Variants in AKAIN1 observed in about 807,000 individuals in gnomAD.
AKAIN1 encodes the protein A-kinase anchor protein inhibitor 1.
Under a neutral mutation model 3.7 loss-of-function variants are expected in AKAIN1, and 3 were observed. The ratio of observed to expected loss-of-function variants is 0.82; its 90% confidence interval spans 0.37 to 2.12. The LOEUF (loss-of-function observed/expected upper bound fraction) is 2.12, where lower values mean the gene tolerates loss of function less well. Among genes scored for constraint, AKAIN1 ranks in the 30% most tolerant of loss-of-function variants. The pLI, the probability that AKAIN1 is intolerant of heterozygous loss-of-function variation, is 0.06. For missense variants in AKAIN1, 82 were observed against 82.7 expected (o/e 0.99, Z 0.03); for synonymous variants, 31 against 30.8 (o/e 1.01, Z -0.02).
chr18:5,187,729 G>A (rs2071295683), intron 1 of AKAIN1, among the ~76,000 whole-genome samples: 1 of 152,012 alleles, frequency 6.6e-6, no homozygotes, highest in Non-Finnish European at 1.5e-5. Flanking sequence ...CCAAACTACC[G>A]GATCCCACCC....
intron 1 of AKAIN1, among the ~76,000 whole-genome samples, chr18:5,147,010 G>T (rs987746650): frequency 6.6e-6 from 1 of 152,120 alleles, no homozygotes; most frequent in Non-Finnish European, 1.5e-5. Context: ...ATGTAACTAG[G>T]CATAGCTAAG....
At chr18:5,156,585 T>A in intron 1 of AKAIN1, among the ~76,000 whole-genome samples, 1 of 152,288 alleles carries the variant, frequency 6.6e-6, no homozygotes, top group Admixed American at 6.5e-5. Context: ...CCATATCCCT[T>A]CATGACACAA....
rs1431634445 is a variant in AKAIN1 at position 5,148,489 on chromosome 18, T to C, written c.17-2734A>G. On this transcript the variant is annotated intron_variant, in intron 1 of 1. Coordinates refer to ENST00000434239, the MANE Select transcript of AKAIN1 (RefSeq NM_001145194.2). ...GACATTCTATTGAGGGAAACTTAAT[T>C]ACATGGCCACGCTTAGCTATGTGGG... Among the ~76,000 whole-genome samples, 4 of 152,316 alleles carry C rather than the reference T, an allele frequency of 2.6e-5. No homozygotes were observed. In the East Asian group the frequency reaches 5.8e-4, roughly 22 times the overall value.
chr18:5,176,380 C>A (rs1330081852), intron 1 of AKAIN1, among the ~76,000 whole-genome samples: 1 of 151,916 alleles, frequency 6.6e-6, no homozygotes, highest in African/African-American at 2.4e-5. Flanking sequence ...GTGGAGATTG[C>A]AGTAAGCCGA....
intron 1 of AKAIN1, among the ~76,000 whole-genome samples, chr18:5,194,477 G>A (rs1475037632): frequency 6.6e-6 from 1 of 152,024 alleles, no homozygotes; most frequent in Non-Finnish European, 1.5e-5. Flanking sequence ...TCCTAAATAG[G>A]GTTAATAAAG....
At chr18:5,187,655 TC>T (rs2071295174) in intron 1 of AKAIN1, among the ~76,000 whole-genome samples, 1 of 151,960 alleles carries the variant, frequency 6.6e-6, no homozygotes, top group African/African-American at 2.4e-5. Flanking sequence ...CTGTTAAAGG[TC>T]CCCCCTCTTA....
intron 1 of AKAIN1, among the ~76,000 whole-genome samples, chr18:5,190,295 G>C (rs780444054): frequency 6.6e-6 from 1 of 151,916 alleles, no homozygotes; most frequent in Non-Finnish European, 1.5e-5. Flanking sequence ...AGTTTTGCAG[G>C]GGCTATTACT....
chr18:5,150,766 C>T (rs1272140579), intron 1 of AKAIN1, among the ~76,000 whole-genome samples: 2 of 152,174 alleles, frequency 1.3e-5, no homozygotes, highest in Non-Finnish European at 2.9e-5. Flanking sequence ...GTCTAAGGAA[C>T]TCAATTGCAA....
At chr18:5,196,957 G>A in intron 1 of AKAIN1, 81 bp downstream of exon 1, 2 of 1,235,944 alleles carry the variant, frequency 1.6e-6, no homozygotes, top group Non-Finnish European at 2.3e-6. Flanking sequence ...GTAAGGTAAA[G>A]AGGCCTTTTT....
chr18:5,167,648 T>C (rs1204432636), intron 1 of AKAIN1, among the ~76,000 whole-genome samples: 3 of 152,112 alleles, frequency 2.0e-5, no homozygotes, highest in Non-Finnish European at 2.9e-5. Flanking sequence ...GTGGTAATAA[T>C]AGCTATGTAA....
intron 1 of AKAIN1, among the ~76,000 whole-genome samples, chr18:5,186,963 A>G (rs894228255): frequency 6.6e-6 from 1 of 152,156 alleles, no homozygotes; most frequent in African/African-American, 2.4e-5. Flanking sequence ...AGGAGGTTTC[A>G]AGGGAAATTA....
Position 5,197,149 on chromosome 18 carries a change from G to T in AKAIN1, c.-96C>A. ...GGACTTGGCGGGGTCCGGTGCAGGA[G>T]GGCGCGCTGGGCGGGCGGCGGGCGG... is the stretch of plus-strand genomic sequence containing the variant. On this transcript the variant is annotated 5_prime_UTR_variant, in exon 1 of 2. Coordinates refer to ENST00000434239, the MANE Select transcript of AKAIN1 (RefSeq NM_001145194.2). This position sits in a 1 kb window ranked among gnomAD's most constrained non-coding sequence, Gnocchi z 6.9. 1 of 1,529,276 alleles carries T rather than the reference G, an allele frequency of 6.5e-7. No individual in the cohort carries two copies. Among genetic ancestry groups the T allele is most frequent in the Non-Finnish European group, 8.8e-7 (1 of 1,141,104 alleles). The allele number at this position is 1,529,276 out of a possible 1,614,324, so 94.7% of individuals were successfully genotyped here. A position where few individuals can be genotyped will look rare whatever the true frequency, so the allele number is the denominator to read the frequency against.
At chr18:5,150,277 C>T (rs2071072957) in intron 1 of AKAIN1, among the ~76,000 whole-genome samples, 1 of 152,220 alleles carries the variant, frequency 6.6e-6, no homozygotes, top group African/African-American at 2.4e-5. Context: ...TGAGGAAGTA[C>T]ACTACAACCA....
chr18:5,178,221 T>G (rs560353543), intron 1 of AKAIN1, among the ~76,000 whole-genome samples: 1 of 152,226 alleles, frequency 6.6e-6, no homozygotes, highest in Non-Finnish European at 1.5e-5. Context: ...GTTTTGTGCA[T>G]GCTATGGTAA....
Position 5,187,743 on chromosome 18 carries a change from G to C in AKAIN1, c.16+9295C>G, listed in dbSNP as rs565208258. On this transcript the variant is annotated intron_variant, in intron 1 of 1. Transcript: ENST00000434239. ...TCCAAACTACCGGATCCCACCCCTA[G>C]TCCCTCAAAACTCATGTTCTTCTCA... 9.9e-5 allele frequency among the ~76,000 whole-genome samples: 15 copies of C among 152,198 alleles called. No homozygotes were observed. In the South Asian group the frequency reaches 2.9e-3, roughly 29 times the overall value.
At chr18:5,174,053 C>T (rs2071212388) in intron 1 of AKAIN1, among the ~76,000 whole-genome samples, 1 of 152,108 alleles carries the variant, frequency 6.6e-6, no homozygotes, top group Admixed American at 6.5e-5. Flanking sequence ...TTGCTTCCTG[C>T]CCTGGGTTTC....
intron 1 of AKAIN1, among the ~76,000 whole-genome samples, chr18:5,149,968 C>T (rs1407062933): frequency 6.6e-6 from 1 of 152,194 alleles, no homozygotes; most frequent in Non-Finnish European, 1.5e-5. Flanking sequence ...GCACACTCCA[C>T]CACACTAGCC....
chr18:5,150,776 A>G (rs1288620937), intron 1 of AKAIN1, among the ~76,000 whole-genome samples: 3 of 152,202 alleles, frequency 2.0e-5, no homozygotes, highest in African/African-American at 7.2e-5. Flanking sequence ...CTCAATTGCA[A>G]TATGGTTAAT....
intron 1 of AKAIN1, among the ~76,000 whole-genome samples, chr18:5,154,349 A>G (rs1331308457): frequency 6.6e-6 from 1 of 152,220 alleles, no homozygotes; most frequent in African/African-American, 2.4e-5. Context: ...GAGCACGTAG[A>G]TAACAACCAA....
Sources: gnomAD v4.1 joint callset for allele counts (sites outside exome capture counted in the v4.1 genomes callset) on GRCh38, gnomAD v4.1.1 for gene constraint, Gnocchi (gnomAD v3.1) non-coding constraint, MANE v1.5 for transcripts, NCBI Gene and HGNC (gene_info 2026-07-23, HGNC 2026-07-21) for gene names.